Variants in PALM2AKAP2 observed in about 807,000 individuals in gnomAD.
PALM2AKAP2 encodes the protein PALM2-AKAP2 fusion protein.
In PALM2AKAP2, 37 loss-of-function variants were observed where a neutral mutation model predicts 71.5. The ratio of observed to expected loss-of-function variants is 0.52; its 90% CI spans 0.40 to 0.68. The LOEUF (loss-of-function observed/expected upper bound fraction) is 0.68, where lower values mean the gene tolerates loss of function less well. Among genes scored for constraint, PALM2AKAP2 ranks in the 30% least tolerant of loss-of-function variants. The pLI is 0.00. For synonymous variants in PALM2AKAP2, 468 were observed against 478.8 expected (o/e 0.98, Z 0.29); for missense variants, 1,224 against 1,191.8 (o/e 1.03, Z -0.40).
chr9:109,670,765 A>G (rs550203332), intron 1 of PALM2AKAP2, among the ~76,000 whole-genome samples: 1 of 152,276 alleles, frequency 6.6e-6, no homozygotes, highest in South Asian at 2.1e-4. Flanking sequence ...TTTTCTCCAC[A>G]ACCTCACCAG....
At chr9:110,101,664 C>G (rs1434680084) in intron 1 of PALM2AKAP2, among the ~76,000 whole-genome samples, 1 of 152,196 alleles carries the variant, frequency 6.6e-6, no homozygotes, top group East Asian at 1.9e-4. Context: ...GCAGCTGTTG[C>G]TGTCATTTCC....
At chr9:109,647,094 A>G (rs1827165837) in intron 1 of PALM2AKAP2, among the ~76,000 whole-genome samples, 3 of 152,138 alleles carry the variant, frequency 2.0e-5, no homozygotes, top group Admixed American at 2.0e-4. Context: ...TTCCATGCAA[A>G]CATCATAGAG....
At position 109,993,234 on chromosome 9, in the gene PALM2AKAP2, AGTT is replaced by A. The variant is rs1033527334; in HGVS notation, c.497-22713_497-22711del. Among the ~76,000 whole-genome samples, 207 of 149,744 alleles carry A rather than the reference AGTT, an allele frequency of 1.4e-3. 1 individual carries two copies. The highest frequency in any genetic ancestry group is 2.7e-3 in the Non-Finnish European group (184 of 67,594). ...TTCTTGCAAATTTGAAAAGTCCAGG[AGTT>A]GTTGTTTTGGGTTGGACTCCATTTC... is the stretch of plus-strand genomic sequence containing the variant. On this transcript the variant is annotated intron_variant, in intron 6 of 9. Coordinates refer to the PALM2AKAP2 transcript ENST00000302798.
intron 1 of PALM2AKAP2, among the ~76,000 whole-genome samples, chr9:110,108,965 A>G (rs1228764306): frequency 6.6e-6 from 1 of 152,108 alleles, no homozygotes; most frequent in East Asian, 1.9e-4. Context: ...TTTCAATACT[A>G]TTGAATATTA....
chr9:109,766,770 A>G (rs915052669), intron 1 of PALM2AKAP2, among the ~76,000 whole-genome samples: 13 of 152,308 alleles, frequency 8.5e-5, no homozygotes, highest in Admixed American at 2.6e-4. Flanking sequence ...GCCAACACAG[A>G]CCTTCTCATG....
At chr9:110,003,601 C>G (rs555988891) in intron 6 of PALM2AKAP2, among the ~76,000 whole-genome samples, 2 of 152,024 alleles carry the variant, frequency 1.3e-5, no homozygotes, top group Non-Finnish European at 2.9e-5. Flanking sequence ...CTTTCTGTCT[C>G]GTTGATCTGT....
At chr9:110,039,235 T>A (rs1833471784) in intron 7 of PALM2AKAP2, among the ~76,000 whole-genome samples, 1 of 152,008 alleles carries the variant, frequency 6.6e-6, no homozygotes, top group Non-Finnish European at 1.5e-5. Context: ...AGTGACAGAG[T>A]GAGACCCTCT....
chr9:109,962,365 C>T (rs1411989747), intron 6 of PALM2AKAP2, among the ~76,000 whole-genome samples: 3 of 152,162 alleles, frequency 2.0e-5, no homozygotes, highest in Non-Finnish European at 4.4e-5. Context: ...GCAACTATGG[C>T]CTTTGGAGCA....
intron 1 of PALM2AKAP2, among the ~76,000 whole-genome samples, chr9:109,720,975 G>C (rs1828396661): frequency 6.6e-6 from 1 of 152,120 alleles, no homozygotes; most frequent in African/African-American, 2.4e-5. Flanking sequence ...AAATACTTTA[G>C]AGCTTGCTCT....
chr9:110,072,261 G>A lies in PALM2AKAP2; in HGVS notation c.156+23406G>A, dbSNP rs573639967. On this transcript the variant is annotated intron_variant, in intron 1 of 3. Coordinates refer to ENST00000374525, the Ensembl canonical transcript of PALM2AKAP2. ...GTCTTCATCACTTTCCACAGGACTCGGCCATAACCCAAACTCAAGCTGCCC... is the reference window on the plus strand; with the variant it reads ...GTCTTCATCACTTTCCACAGGACTCAGCCATAACCCAAACTCAAGCTGCCC... Among the ~76,000 whole-genome samples the A allele has an allele frequency of 1.4e-4, 21 of 152,212 alleles. No individual in the cohort carries two copies. In the South Asian group the frequency reaches 2.7e-3, roughly 20 times the overall value.
chr9:110,028,452 C>T (rs1052779481), intron 7 of PALM2AKAP2, among the ~76,000 whole-genome samples: 2 of 152,196 alleles, frequency 1.3e-5, no homozygotes, highest in African/African-American at 4.8e-5. Flanking sequence ...CTGTGCTACA[C>T]ATACACCATC....
At chr9:109,881,747 G>T (rs1185250505) in intron 3 of PALM2AKAP2, among the ~76,000 whole-genome samples, 1 of 152,084 alleles carries the variant, frequency 6.6e-6, no homozygotes, top group African/African-American at 2.4e-5. Context: ...AGAGAGATAT[G>T]AGATAGGGAT....
At chr9:109,756,266 TG>T (rs752065760) in intron 1 of PALM2AKAP2, among the ~76,000 whole-genome samples, 16 of 152,176 alleles carry the variant, frequency 1.1e-4, no homozygotes, top group Non-Finnish European at 1.9e-4. Flanking sequence ...TCACATTTTG[TG>T]TTTCTTTGGA....
At chr9:109,842,646 G>T (rs1828729608) in intron 1 of PALM2AKAP2, among the ~76,000 whole-genome samples, 1 of 150,598 alleles carries the variant, frequency 6.6e-6, no homozygotes, top group Admixed American at 6.6e-5. Flanking sequence ...TGTCGTCGTT[G>T]TTGAATCAGC....
intron 1 of PALM2AKAP2, among the ~76,000 whole-genome samples, chr9:110,135,164 A>AAAAAAAAAAAAAAAAATATAT: frequency 1.9e-5 from 1 of 51,734 alleles, no homozygotes; most frequent in Non-Finnish European, 3.8e-5. Context: ...AAAAAAAAAA[A>AAAAAAAAAAAAAAAAATATAT]ATATATAAAT....
chr9:109,783,925 T>C (rs938358143), intron 1 of PALM2AKAP2, among the ~76,000 whole-genome samples: 3 of 152,228 alleles, frequency 2.0e-5, no homozygotes, highest in African/African-American at 7.2e-5. Flanking sequence ...CAAAACTGAA[T>C]TAAATACTTA....
At chr9:109,729,773 T>C (rs1351867162) in intron 1 of PALM2AKAP2, among the ~76,000 whole-genome samples, 1 of 152,174 alleles carries the variant, frequency 6.6e-6, no homozygotes, top group Non-Finnish European at 1.5e-5. Context: ...TAAATTTCTG[T>C]GCAAGTAGGC....
intron 1 of PALM2AKAP2, among the ~76,000 whole-genome samples, chr9:109,671,265 T>C (rs1827567390): frequency 6.6e-6 from 1 of 152,242 alleles, no homozygotes; most frequent in Non-Finnish European, 1.5e-5. Context: ...TAATCCATCT[T>C]GAGTTAATTT....
upstream of PALM2AKAP2, among the ~76,000 whole-genome samples, chr9:110,047,290 T>G (rs1456162412): frequency 6.6e-6 from 1 of 152,210 alleles, no homozygotes; most frequent in Admixed American, 6.5e-5. Flanking sequence ...GATGTCCCAT[T>G]GTAGACTTCA....
Sources: gnomAD v4.1 joint callset for allele counts (sites outside exome capture counted in the v4.1 genomes callset) on GRCh38, gnomAD v4.1.1 for gene constraint, MANE v1.5 for transcripts, NCBI Gene and HGNC (gene_info 2026-07-23, HGNC 2026-07-21) for gene names.